The following CSMD1 variants were observed in gnomAD, a reference collection of about 807,000 sequenced individuals.
CSMD1 encodes the protein CUB and Sushi multiple domains 1.
In CSMD1, 213 loss-of-function variants were observed where a neutral mutation model predicts 417.5. The ratio of observed to expected loss-of-function variants is 0.51; its 90% confidence interval spans 0.46 to 0.57. The LOEUF is 0.57. Ranked by LOEUF, CSMD1 falls within the 20% of genes least tolerant of loss-of-function variation. The probability of loss-of-function intolerance (pLI) is 0.00; values close to 1 mark genes in which losing one functional copy is unlikely to be tolerated. For synonymous variants in CSMD1, 2,862 were observed against 1,736.8 expected (o/e 1.65, Z -16.11); for missense variants, 6,923 against 4,529.7 (o/e 1.53, Z -15.17).
At chr8:3,823,698 C>A (rs578168920) in intron 5 of CSMD1, among the ~76,000 whole-genome samples, 1 of 151,976 alleles carries the variant, frequency 6.6e-6, no homozygotes, top group Non-Finnish European at 1.5e-5. Flanking sequence ...ATGTTTGAAC[C>A]ATTTAACTTA....
chr8:3,786,130 C>A (rs373777862), intron 5 of CSMD1, among the ~76,000 whole-genome samples: 3 of 152,088 alleles, frequency 2.0e-5, no homozygotes, highest in Non-Finnish European at 2.9e-5. Flanking sequence ...AGAGGTGAGG[C>A]TGCTTAGCAA....
chr8:4,964,928 G>A (rs77457697), intron 1 of CSMD1, among the ~76,000 whole-genome samples: 2,645 of 152,190 alleles, frequency 0.017, 91 homozygotes, highest in African/African-American at 0.061. Context: ...ATCAGCCCTT[G>A]GTGAATTAAC....
chr8:3,906,233 G>A (rs1181575567), intron 5 of CSMD1, among the ~76,000 whole-genome samples: 6 of 151,952 alleles, frequency 3.9e-5, no homozygotes, highest in Non-Finnish European at 8.8e-5. Context: ...ACCACAAAAT[G>A]CCATAGCATT....
At chr8:4,988,479 T>A (rs189784814) in intron 1 of CSMD1, among the ~76,000 whole-genome samples, 1 of 152,338 alleles carries the variant, frequency 6.6e-6, no homozygotes, top group East Asian at 1.9e-4. Context: ...TTTCTTTTCA[T>A]TCCCCAAAGA....
chr8:3,024,242 TA>T (rs1201816410), intron 51 of CSMD1, among the ~76,000 whole-genome samples: 4 of 151,140 alleles, frequency 2.6e-5, no homozygotes, highest in Non-Finnish European at 5.9e-5. Flanking sequence ...TTAATGTGTT[TA>T]TTGATTTTTT....
intron 1 of CSMD1, among the ~76,000 whole-genome samples, chr8:4,840,815 T>C (rs1006391360): frequency 6.6e-6 from 1 of 152,230 alleles, no homozygotes; most frequent in African/African-American, 2.4e-5. Context: ...CCAGGTAGGA[T>C]TAAGTATAGA....
rs1798398107 is a variant in CSMD1 at position 4,562,645 on chromosome 8, T to G, written c.302+74697A>C. ...TTTAGGACACATCAGAAATGTCAGA[T>G]TCTATGGAGATCCAACTCAAGAGCA... On this transcript the variant is annotated intron_variant, in intron 2 of 69. Transcript: ENST00000635120. 3.3e-5 allele frequency among the ~76,000 whole-genome samples: 5 copies of G among 152,138 alleles called. No individual in the cohort carries two copies. In the South Asian group the frequency reaches 1.0e-3, roughly 31 times the overall value.
intron 3 of CSMD1, among the ~76,000 whole-genome samples, chr8:4,225,253 C>T (rs1376776276): frequency 6.6e-6 from 1 of 152,160 alleles, no homozygotes; most frequent in Non-Finnish European, 1.5e-5. Context: ...GACAAACCAT[C>T]ATTTTCTTCA....
chr8:4,288,756 C>G lies in CSMD1; in HGVS notation c.415+131197G>C, dbSNP rs534471770. On this transcript the variant is annotated intron_variant, in intron 3 of 69. Transcript: ENST00000635120. ...AAGATCTCTCAGATGGTCAACCTCC[C>G]AACTCTAAGATCTGATACCTGTCAG... Among the ~76,000 whole-genome samples the G allele has an allele frequency of 2.9e-4, 44 of 152,250 alleles. No homozygotes were observed. In the Middle Eastern group the frequency reaches 0.02, roughly 71 times the overall value.
At chr8:3,621,428 G>A (rs1308123892) in intron 7 of CSMD1, among the ~76,000 whole-genome samples, 1 of 152,064 alleles carries the variant, frequency 6.6e-6, no homozygotes, top group African/African-American at 2.4e-5. Context: ...TTTTGCCAGG[G>A]GCTGGGGCAA....
At chr8:3,193,432 T>C in intron 33 of CSMD1, among the ~76,000 whole-genome samples, 1 of 152,082 alleles carries the variant, frequency 6.6e-6, no homozygotes, top group East Asian at 1.9e-4. Flanking sequence ...AGCTGTGGAA[T>C]TGAGACATCA....
chr8:3,376,803 C>A (rs916516285), intron 18 of CSMD1, among the ~76,000 whole-genome samples: 12 of 151,078 alleles, frequency 7.9e-5, no homozygotes, highest in Non-Finnish European at 1.8e-4. Context: ...ATTTTTTTTT[C>A]TTTTCTGAAA....
chr8:4,962,203 A>AG (rs1809542768), intron 1 of CSMD1, among the ~76,000 whole-genome samples: 1 of 142,156 alleles, frequency 7.0e-6, no homozygotes, highest in Non-Finnish European at 1.5e-5. Flanking sequence ...TTTTTAAAAA[A>AG]AAAAGAAAAA....
At chr8:4,556,405 G>T (rs1036453358) in intron 2 of CSMD1, among the ~76,000 whole-genome samples, 1 of 152,114 alleles carries the variant, frequency 6.6e-6, no homozygotes, top group Non-Finnish European at 1.5e-5. Context: ...AAGCTGGCAA[G>T]ACTACACGGA....
At chr8:4,009,991 C>T (rs12674864) in intron 4 of CSMD1, among the ~76,000 whole-genome samples, 16,661 of 152,156 alleles carry the variant, frequency 0.11, 1,087 homozygotes, top group South Asian at 0.22. Context: ...TTCTGACCCC[C>T]TAATCTTAAT....
intron 1 of CSMD1, among the ~76,000 whole-genome samples, chr8:4,706,401 A>G (rs781403363): frequency 6.6e-6 from 1 of 152,240 alleles, no homozygotes; most frequent in Non-Finnish European, 1.5e-5. Flanking sequence ...CAAAAAGTGT[A>G]TAATGAAATT....
intron 5 of CSMD1, among the ~76,000 whole-genome samples, chr8:3,917,399 G>C (rs7836077): frequency 0.4 from 60,073 of 148,838 alleles, 13,199 homozygotes; most frequent in South Asian, 0.61. Context: ...AGGAGTTTGG[G>C]TTTGGTTATA....
At chr8:3,319,359 A>C (rs1805994443) in intron 23 of CSMD1, among the ~76,000 whole-genome samples, 1 of 152,222 alleles carries the variant, frequency 6.6e-6, no homozygotes, top group African/African-American at 2.4e-5. Context: ...TTTGCAATAC[A>C]CAAAGAATTT....
At chr8:3,271,703 T>A (rs1801868936) in intron 26 of CSMD1, among the ~76,000 whole-genome samples, 1 of 152,238 alleles carries the variant, frequency 6.6e-6, no homozygotes, top group Non-Finnish European at 1.5e-5. Flanking sequence ...TTTTTTCATG[T>A]GTTTTTTGGC....
Sources: gnomAD v4.1 joint callset for allele counts (sites outside exome capture counted in the v4.1 genomes callset) on GRCh38, gnomAD v4.1.1 for gene constraint, MANE v1.5 for transcripts, NCBI Gene and HGNC (gene_info 2026-07-23, HGNC 2026-07-21) for gene names.